Variants in ANKRD7 observed in about 807,000 individuals in gnomAD.
ANKRD7 encodes the protein ankyrin repeat domain-containing protein 7.
In ANKRD7, 30 loss-of-function variants were observed where a neutral mutation model predicts 30.8. The observed-to-expected ratio is 0.97, with a 90% CI of 0.73 to 1.32. ANKRD7 has a LOEUF of 1.32. ANKRD7 is among the 40% of genes most tolerant of loss of function. The probability of loss-of-function intolerance (pLI) is 0.00; values close to 1 mark genes in which losing one functional copy is unlikely to be tolerated. For synonymous variants in ANKRD7, 97 were observed against 106.6 expected (o/e 0.91, Z 0.55); for missense variants, 264 against 295.7 (o/e 0.89, Z 0.79).
At chr7:118,225,478 A>C (rs1246419538) in intron 1 of ANKRD7, among the ~76,000 whole-genome samples, 1 of 145,920 alleles carries the variant, frequency 6.9e-6, no homozygotes, top group African/African-American at 2.6e-5. Flanking sequence ...ACAGAGCAAG[A>C]CTCATCTCAA....
chr7:118,236,887 T>C lies in ANKRD7; in HGVS notation c.673T>C (p.Ser225Pro). ...VELCYEGIVD[S>P]QLRNMFISMV... ...ATTATGTTACGAAGGTATTGTGGAT[T>C]CACAGCTGAGGAATATGTTTATTTC... The change falls in exon 5 of 7, where the codon TCA (serine) becomes CCA (proline). Residue 225 changes from serine (S) to proline (P), a missense_variant. Physicochemically the swap from Ser to Pro is moderately conservative, Grantham distance 74 (BLOSUM62 -1). Coordinates refer to ENST00000265224, the MANE Select transcript of ANKRD7 (RefSeq NM_019644.4). 2 of 1,614,052 alleles carry C rather than the reference T, an allele frequency of 1.2e-6. No homozygotes were observed. Among genetic ancestry groups the C allele is most frequent in the South Asian group, 2.2e-5 (2 of 91,076 alleles).
intron 5 of ANKRD7, 25 bp from the exon 6 acceptor site, chr7:118,239,884 C>A: frequency 6.8e-7 from 1 of 1,480,372 alleles, no homozygotes; most frequent in Non-Finnish European, 9.4e-7. Flanking sequence ...TGCATGCTGG[C>A]ATTCACACGT....
At chr7:118,237,015 G>T in intron 5 of ANKRD7, 89 bp downstream of exon 5, 1 of 1,386,050 alleles carries the variant, frequency 7.2e-7, no homozygotes, top group Non-Finnish European at 1.0e-6. Flanking sequence ...GCTGGAATAG[G>T]CTCAACAGTA....
intron 5 of ANKRD7, 27 bp from the exon 6 acceptor site, chr7:118,239,881 TG>T: frequency 6.8e-7 from 1 of 1,463,346 alleles, no homozygotes; most frequent in Non-Finnish European, 9.5e-7. Context: ...CTATGCATGC[TG>T]GCATTCACAC....
chr7:118,234,393 A>G (rs1188703068), intron 1 of ANKRD7, 38 bp from the exon 2 acceptor site: 1 of 1,409,546 alleles, frequency 7.1e-7, no homozygotes. Flanking sequence ...TCAAACGAAG[A>G]CTTATCTCTA....
At chr7:118,239,848 C>T in intron 5 of ANKRD7, 61 bp from the exon 6 acceptor site, 2 of 1,173,914 alleles carry the variant, frequency 1.7e-6, no homozygotes, top group South Asian at 2.8e-5. Context: ...TGATTTGATA[C>T]TTATATGTTA....
intron 1 of ANKRD7, among the ~76,000 whole-genome samples, chr7:118,233,593 T>A (rs1040240987): frequency 6.6e-6 from 1 of 152,146 alleles, no homozygotes. Flanking sequence ...GCTACTCCTG[T>A]GTGTCAATAG....
chr7:118,234,578 G>T, intron 2 of ANKRD7, 33 bp downstream of exon 2: 1 of 1,572,804 alleles, frequency 6.4e-7, no homozygotes, highest in Non-Finnish European at 8.6e-7. Context: ...CAATTGGAAT[G>T]TGTTTGAGTT....
At chr7:118,231,467 T>TAG (rs1809637238) in intron 1 of ANKRD7, among the ~76,000 whole-genome samples, 1 of 152,030 alleles carries the variant, frequency 6.6e-6, no homozygotes, top group African/African-American at 2.4e-5. Context: ...GTGCCCAGCC[T>TAG]AGAGATGAAA....
intron 1 of ANKRD7, among the ~76,000 whole-genome samples, chr7:118,227,702 C>T (rs369215143): frequency 1.4e-4 from 22 of 152,098 alleles, no homozygotes; most frequent in Admixed American, 4.6e-4. Context: ...CCACTTGCTG[C>T]GAAAATTAAT....
chr7:118,231,740 G>C (rs1351365034), intron 1 of ANKRD7, among the ~76,000 whole-genome samples: 3 of 151,962 alleles, frequency 2.0e-5, no homozygotes, highest in Non-Finnish European at 4.4e-5. Context: ...TCTGGTATCT[G>C]ATCATTCATC....
At chr7:118,225,525 A>G (rs1389335911) in intron 1 of ANKRD7, among the ~76,000 whole-genome samples, 1 of 150,992 alleles carries the variant, frequency 6.6e-6, no homozygotes, top group South Asian at 2.1e-4. Flanking sequence ...AATATTTTCT[A>G]CCCTTCCTGA....
chr7:118,236,039 A>G lies in ANKRD7; in HGVS notation c.469-2A>G. ...TTAATCATTTTTAAATATTTTTTTCAGGATGGGTATACTCCACTATTAGTT... is the reference window on the plus strand; with the variant it reads ...TTAATCATTTTTAAATATTTTTTTCGGGATGGGTATACTCCACTATTAGTT... On this transcript the variant is annotated splice_acceptor_variant, in intron 3 of 6. Coordinates refer to ENST00000265224, the MANE Select transcript of ANKRD7 (RefSeq NM_019644.4). LOFTEE classifies it high-confidence loss of function. The G allele has an allele frequency of 6.1e-6, 9 of 1,470,496 alleles. No homozygotes were observed. Among genetic ancestry groups the G allele is most frequent in the Non-Finnish European group, 8.4e-6 (9 of 1,076,166 alleles). 91.1% of individuals were successfully genotyped at this position (1,470,496 alleles called of 1,614,324 possible).
intron 6 of ANKRD7, among the ~76,000 whole-genome samples, chr7:118,240,692 C>G (rs1456566186): frequency 6.6e-6 from 1 of 151,930 alleles, no homozygotes; most frequent in African/African-American, 2.4e-5. Context: ...GAAAAACTAT[C>G]ATAAAAATTT....
chr7:118,230,152 C>A (rs981619783), intron 1 of ANKRD7, among the ~76,000 whole-genome samples: 1 of 151,926 alleles, frequency 6.6e-6, no homozygotes, highest in African/African-American at 2.4e-5. Context: ...CCACTCCTAT[C>A]CAACATAGTA....
rs1302875542 is a variant in ANKRD7, at chr7:118,236,832, A to G, written c.618A>G (p.Leu206=). The change falls in exon 5 of 7, where the codon TTA becomes TTG. Residue 206 remains leucine, a synonymous_variant. Coordinates refer to ENST00000265224, the MANE Select transcript of ANKRD7 (RefSeq NM_019644.4). The part of the protein sequence containing the change: ...ILAVSGEPPC[L]VKLLLQQGVE... ...CTGTCAGTGGTGAACCACCATGTTT[A>G]GTAAAGCTTCTTCTTCAGCAAGGTG... The G allele has an allele frequency of 1.9e-6, 3 of 1,613,868 alleles. No homozygotes were observed. Among genetic ancestry groups the G allele is most frequent in the African/African-American group, 2.7e-5 (2 of 74,924 alleles).
At chr7:118,228,894 A>G (rs1293946206) in intron 1 of ANKRD7, among the ~76,000 whole-genome samples, 1 of 152,168 alleles carries the variant, frequency 6.6e-6, no homozygotes. Context: ...TTCTCAACAC[A>G]GCAGTCAGAA....
chr7:118,232,705 G>A (rs530501917), intron 1 of ANKRD7, among the ~76,000 whole-genome samples: 1 of 145,174 alleles, frequency 6.9e-6, no homozygotes, highest in East Asian at 2.1e-4. Flanking sequence ...CTTTCTCTTA[G>A]TAAGAGCAGT....
intron 1 of ANKRD7, among the ~76,000 whole-genome samples, chr7:118,229,967 TA>T (rs939462515): frequency 1.3e-5 from 2 of 151,978 alleles, no homozygotes; most frequent in Non-Finnish European, 2.9e-5. Context: ...AAAACATTGA[TA>T]AAATCCAACA....
Sources: gnomAD v4.1 joint callset for allele counts (sites outside exome capture counted in the v4.1 genomes callset) on GRCh38, gnomAD v4.1.1 for gene constraint, MANE v1.5 for transcripts, NCBI Gene and HGNC (gene_info 2026-07-23, HGNC 2026-07-21) for gene names.